The following TMC1 variants were observed in gnomAD, a reference collection of about 807,000 sequenced individuals.
TMC1 encodes the protein transmembrane channel-like protein 1.
Under a neutral mutation model 105.8 loss-of-function variants are expected in TMC1, and 84 were observed. That is an observed-to-expected ratio of 0.79 (90% CI 0.67 to 0.95). TMC1 has a LOEUF of 0.95. Ranked by LOEUF, TMC1 falls within the 40% of genes least tolerant of loss-of-function variation. The pLI, the probability that TMC1 is intolerant of heterozygous loss-of-function variation, is 0.00. For missense variants in TMC1, 817 were observed against 914.1 expected, an observed-to-expected ratio of 0.89 and a Z score of 1.37; for synonymous variants, 315 against 311.5, an observed-to-expected ratio of 1.01 and a Z score of -0.12.
rs1827342359 is a variant in TMC1, at chr9:72,738,840, C to T, written c.363-1279C>T. On this transcript the variant is annotated intron_variant, in intron 8 of 23. Coordinates refer to ENST00000297784, the MANE Select transcript of TMC1 (RefSeq NM_138691.3). ...AGCCATCCAACTGAGGACAGCATTG[C>T]ACTTGTGGAACCACAATCCAGGCTT... Among the ~76,000 whole-genome samples the T allele has an allele frequency of 2.0e-5, 3 of 152,156 alleles. No homozygotes were observed. In the South Asian group the frequency reaches 6.3e-4, roughly 32 times the overall value.
chr9:72,832,396 A>G (rs903218391), intron 23 of TMC1, among the ~76,000 whole-genome samples: 2 of 152,184 alleles, frequency 1.3e-5, no homozygotes, highest in Admixed American at 6.6e-5. Context: ...CCATGTCCTT[A>G]GACTGTAAAA....
intron 18 of TMC1, among the ~76,000 whole-genome samples, chr9:72,813,208 A>C (rs1828732699): frequency 6.6e-6 from 1 of 152,150 alleles, no homozygotes; most frequent in African/African-American, 2.4e-5. Flanking sequence ...TTTTAGAGAC[A>C]AACAAAATAT....
chr9:72,685,361 C>T (rs1826363024), intron 5 of TMC1, among the ~76,000 whole-genome samples: 1 of 106,226 alleles, frequency 9.4e-6, no homozygotes, highest in South Asian at 3.0e-4. Context: ...CCGCCTTGGC[C>T]ATTTTTTTTT....
At chr9:72,719,762 A>G (rs1826987795) in intron 8 of TMC1, among the ~76,000 whole-genome samples, 1 of 152,168 alleles carries the variant, frequency 6.6e-6, no homozygotes, top group South Asian at 2.1e-4. Flanking sequence ...TTAACCAATA[A>G]CTCAACCAAA....
chr9:72,636,707 CAA>C (rs59553107), intron 4 of TMC1, among the ~76,000 whole-genome samples: 15 of 83,196 alleles, frequency 1.8e-4, no homozygotes, highest in Non-Finnish European at 6.8e-5. Flanking sequence ...GACTCCATCT[CAA>C]AAAAAAAAAA....
intron 5 of TMC1, among the ~76,000 whole-genome samples, chr9:72,677,065 A>C (rs903430559): frequency 2.0e-5 from 3 of 151,718 alleles, no homozygotes; most frequent in African/African-American, 4.8e-5. Context: ...GACTGCTTTC[A>C]TCAAGGTAAT....
intron 2 of TMC1, chr9:72,607,875 T>C (rs1157355172): frequency 6.6e-6 from 1 of 152,142 alleles, no homozygotes; most frequent in African/African-American, 2.4e-5. Flanking sequence ...GCATGGTGTA[T>C]GAGAAGGAGA....
intron 4 of TMC1, among the ~76,000 whole-genome samples, chr9:72,643,091 TTTTTC>T (rs1825653838): frequency 6.6e-6 from 1 of 152,112 alleles, no homozygotes; most frequent in African/African-American, 2.4e-5. Flanking sequence ...TTTCAAAGGT[TTTTTC>T]CTTCCTTTCT....
intron 1 of TMC1, among the ~76,000 whole-genome samples, chr9:72,544,000 G>A (rs7041577): frequency 0.53 from 76,228 of 144,168 alleles, 20,877 homozygotes; most frequent in African/African-American, 0.7. Flanking sequence ...CACCCAGGCT[G>A]GAGTGCAGTG....
In TMC1 at chr9:72,619,447, T is replaced by C. The variant is rs975305186; in HGVS notation, c.-196+2970T>C. On this transcript the variant is annotated intron_variant, in intron 3 of 23. Transcript: ENST00000297784. Reference sequence around the variant, plus strand: ...AAGTCATAAAATATTATGCATGCAGTATATTCCAGTTTATTTTAAATGATC... The same window carrying C: ...AAGTCATAAAATATTATGCATGCAGCATATTCCAGTTTATTTTAAATGATC... Among the ~76,000 whole-genome samples the C allele has an allele frequency of 3.9e-5, 6 of 152,240 alleles. No individual in the cohort carries two copies. The South Asian group carries it at 8.3e-4, about 21-fold the overall frequency.
At chr9:72,586,478 A>G (rs1257528559) in intron 2 of TMC1, among the ~76,000 whole-genome samples, 2 of 152,216 alleles carry the variant, frequency 1.3e-5, no homozygotes, top group African/African-American at 4.8e-5. Flanking sequence ...AGGTCAGAGA[A>G]GCTGCTAGCC....
At chr9:72,766,946 G>A (rs756734947) in intron 12 of TMC1, among the ~76,000 whole-genome samples, 2 of 152,208 alleles carry the variant, frequency 1.3e-5, no homozygotes, top group Non-Finnish European at 2.9e-5. Flanking sequence ...GCTGCTGTCA[G>A]CATGCAGCTC....
chr9:72,621,763 A>T (rs952048142), intron 3 of TMC1, among the ~76,000 whole-genome samples: 2 of 152,098 alleles, frequency 1.3e-5, no homozygotes, highest in African/African-American at 2.4e-5. Flanking sequence ...TCATATATTC[A>T]TACTCTCCTC....
At chr9:72,801,206 T>A (rs1416648392) in intron 17 of TMC1, among the ~76,000 whole-genome samples, 1 of 152,190 alleles carries the variant, frequency 6.6e-6, no homozygotes, top group African/African-American at 2.4e-5. Context: ...TCATCCCCAA[T>A]GGATTTGATA....
chr9:72,820,763 A>T, intron 19 of TMC1, 79 bp from the exon 20 acceptor site: 2 of 1,570,310 alleles, frequency 1.3e-6, no homozygotes, highest in Non-Finnish European at 1.7e-6. Flanking sequence ...AAGAAGCATG[A>T]TGTCAAATAA....
At chr9:72,594,511 C>A (rs372351864) in intron 2 of TMC1, among the ~76,000 whole-genome samples, 2 of 152,112 alleles carry the variant, frequency 1.3e-5, no homozygotes, top group East Asian at 3.9e-4. Context: ...TAGCCCTTTC[C>A]GGCATCTGCT....
intron 4 of TMC1, among the ~76,000 whole-genome samples, chr9:72,648,262 A>G (rs1272161043): frequency 6.6e-6 from 1 of 152,152 alleles, no homozygotes; most frequent in Non-Finnish European, 1.5e-5. Context: ...TGCCCTCAAT[A>G]TATGTAATTA....
At chr9:72,811,933 G>A (rs1335840653) in intron 18 of TMC1, among the ~76,000 whole-genome samples, 2 of 152,212 alleles carry the variant, frequency 1.3e-5, no homozygotes, top group Non-Finnish European at 2.9e-5. Context: ...CAGCAATGCT[G>A]TGAGGTGGTA....
At chr9:72,604,873 A>T (rs1360882908) in intron 2 of TMC1, among the ~76,000 whole-genome samples, 4 of 152,222 alleles carry the variant, frequency 2.6e-5, no homozygotes. Flanking sequence ...TTCATGAGGA[A>T]CATAGAATAA....
Sources: allele counts gnomAD v4.1 joint callset (sites outside exome capture counted in the v4.1 genomes callset), GRCh38; gene constraint gnomAD v4.1.1; transcripts MANE v1.5; gene names NCBI Gene and HGNC (gene_info 2026-07-23, HGNC 2026-07-21).